NLGN4Y: variants seen among roughly 807,000 people sequenced by gnomAD.
NLGN4Y encodes neuroligin 4 Y-linked.
A neutral mutation model predicts 8.4 loss-of-function variants in NLGN4Y; 4 were observed. The ratio of observed to expected loss-of-function variants is 0.48; its 90% CI spans 0.23 to 1.09. The LOEUF (loss-of-function observed/expected upper bound fraction) is 1.09, where lower values mean the gene tolerates loss of function less well. Ranked by LOEUF, NLGN4Y falls within the 50% of genes least tolerant of loss-of-function variation. The probability of loss-of-function intolerance (pLI) is 0.19; values close to 1 mark genes in which losing one functional copy is unlikely to be tolerated. For synonymous variants in NLGN4Y, 35 were observed against 75.6 expected (o/e 0.46, Z 2.78); for missense variants, 90 against 192.3 (o/e 0.47, Z 3.15).
chrY:14,650,741 C>A (rs980543867), intron 2 of NLGN4Y, among the ~76,000 whole-genome samples: 3 of 32,402 alleles, frequency 9.3e-5, no homozygotes. Flanking sequence ...AGATGGAATG[C>A]AACTTGAGAA....
At chrY:14,600,703 A>T (rs979533561) in intron 1 of NLGN4Y, among the ~76,000 whole-genome samples, 4 of 32,844 alleles carry the variant, frequency 1.2e-4, no homozygotes, top group Non-Finnish European at 3.0e-4. Flanking sequence ...GCTAATATAG[A>T]TTATGTGGTG....
chrY:14,761,619 C>G (rs756333479), intron 4 of NLGN4Y, among the ~76,000 whole-genome samples: 44 of 33,806 alleles, frequency 1.3e-3, no homozygotes, highest in Middle Eastern at 0.013. Flanking sequence ...ATGGTTGAAG[C>G]AAATCACTTT....
chrY:14,798,953 T>G (rs990964239), intron 4 of NLGN4Y, among the ~76,000 whole-genome samples: 3 of 33,986 alleles, frequency 8.8e-5, no homozygotes. Context: ...GCTTCTTATT[T>G]GAAATGTGCC....
intron 5 of NLGN4Y, among the ~76,000 whole-genome samples, chrY:14,825,692 C>A (rs1569378473): frequency 3.2e-5 from 1 of 31,519 alleles, no homozygotes; most frequent in East Asian, 8.3e-4. Context: ...GAAGAACCTC[C>A]CTGCTGGGCC....
At chrY:14,683,100 AT>A (rs2080776100) in intron 2 of NLGN4Y, among the ~76,000 whole-genome samples, 2 of 33,970 alleles carry the variant, frequency 5.9e-5, no homozygotes, top group Non-Finnish European at 1.5e-4. Context: ...AGTTACAAAA[AT>A]TTGAGCATAA....
chrY:14,562,062 T>A, intron 1 of NLGN4Y, among the ~76,000 whole-genome samples: 1 of 33,492 alleles, frequency 3.0e-5, no homozygotes, highest in Non-Finnish European at 7.4e-5. Context: ...GTGCAGAAGC[T>A]CTTTAGTTTA....
At chrY:14,627,582 C>T (rs1603501644) in intron 2 of NLGN4Y, among the ~76,000 whole-genome samples, 4 of 34,960 alleles carry the variant, frequency 1.1e-4, no homozygotes, top group African/African-American at 4.4e-4. Flanking sequence ...GAGTGCTGCC[C>T]GCGGAGTGGG....
chrY:14,586,182 C>T (rs778214088), intron 1 of NLGN4Y, among the ~76,000 whole-genome samples: 1 of 33,241 alleles, frequency 3.0e-5, no homozygotes, highest in Non-Finnish European at 7.4e-5. Context: ...TGTCATACTC[C>T]GGAAATAAAC....
intron 1 of NLGN4Y, among the ~76,000 whole-genome samples, chrY:14,600,188 T>C (rs1026828715): frequency 3.2e-5 from 1 of 31,545 alleles, no homozygotes; most frequent in African/African-American, 1.2e-4. Context: ...ATATAATATA[T>C]ATTTCTGCAA....
At chrY:14,782,197 A>G in intron 4 of NLGN4Y, among the ~76,000 whole-genome samples, 1 of 33,313 alleles carries the variant, frequency 3.0e-5, no homozygotes, top group African/African-American at 1.2e-4. Flanking sequence ...TGGAATCATC[A>G]CACATGATCA....
At chrY:14,591,875 A>G in intron 1 of NLGN4Y, among the ~76,000 whole-genome samples, 3 of 33,333 alleles carry the variant, frequency 9.0e-5, no homozygotes, top group Non-Finnish European at 2.2e-4. Context: ...CCCATCAGAT[A>G]TTGGGAAGTC....
chrY:14,636,519 T>G, intron 2 of NLGN4Y, among the ~76,000 whole-genome samples: 1 of 33,750 alleles, frequency 3.0e-5, no homozygotes, highest in Non-Finnish European at 7.3e-5. Flanking sequence ...AACTGCAGGT[T>G]TCTCAAGAAT....
chrY:14,774,662 A>G, intron 4 of NLGN4Y, among the ~76,000 whole-genome samples: 1 of 33,103 alleles, frequency 3.0e-5, no homozygotes, highest in Non-Finnish European at 7.4e-5. Context: ...ATTACTGGGT[A>G]TATACCTAAA....
intron 4 of NLGN4Y, among the ~76,000 whole-genome samples, chrY:14,777,427 T>A: frequency 2.9e-5 from 1 of 33,957 alleles, no homozygotes; most frequent in Non-Finnish European, 7.3e-5. Flanking sequence ...ATAGTAGTTA[T>A]CTACTTTCAA....
intron 2 of NLGN4Y, among the ~76,000 whole-genome samples, chrY:14,694,581 T>C (rs2080821608): frequency 3.0e-5 from 1 of 33,472 alleles, no homozygotes; most frequent in African/African-American, 1.2e-4. Context: ...TGGCCAGTTT[T>C]CACTTGTGCA....
intron 2 of NLGN4Y, among the ~76,000 whole-genome samples, chrY:14,669,692 G>A (rs777275324): frequency 3.0e-5 from 1 of 33,346 alleles, no homozygotes; most frequent in East Asian, 8.0e-4. Flanking sequence ...TTTATGCTAC[G>A]TAACACCATA....
intron 2 of NLGN4Y, chrY:14,640,050 A>G: frequency 8.0e-6 from 1 of 125,471 alleles, no homozygotes; most frequent in Non-Finnish European, 1.7e-5. Flanking sequence ...CACAACACAG[A>G]AAAATCAGCT....
intron 1 of NLGN4Y, among the ~76,000 whole-genome samples, chrY:14,525,399 G>A (rs2080089651): frequency 3.1e-5 from 1 of 32,242 alleles, no homozygotes; most frequent in African/African-American, 1.2e-4. Flanking sequence ...AGGTGGCGGC[G>A]GGATTTTGGG....
chrY:14,828,070 T>A, intron 5 of NLGN4Y, among the ~76,000 whole-genome samples: 1 of 32,995 alleles, frequency 3.0e-5, no homozygotes, highest in Admixed American at 2.8e-4. Flanking sequence ...AAAACAATGT[T>A]TGAATGGAAG....
Sources: allele counts gnomAD v4.1 joint callset (sites outside exome capture counted in the v4.1 genomes callset), GRCh38; gene constraint gnomAD v4.1.1; transcripts MANE v1.5; gene names NCBI Gene and HGNC (gene_info 2026-07-23, HGNC 2026-07-21).